MYCBP2: variants seen among roughly 807,000 people sequenced by gnomAD.
MYCBP2 encodes MYC binding protein 2, also known as E3 ubiquitin-protein ligase MYCBP2.
In MYCBP2, 120 loss-of-function variants were observed where a neutral mutation model predicts 525.3. The observed-to-expected ratio is 0.23, with a 90% CI of 0.20 to 0.27. MYCBP2 has a LOEUF of 0.27. MYCBP2 is among the 10% of genes least tolerant of loss of function. The pLI is 1.00. For missense variants in MYCBP2, 4,149 were observed against 5,657.1 expected (o/e 0.73, Z 8.55); for synonymous variants, 1,894 against 1,955.8 (o/e 0.97, Z 0.83).
intron 82 of MYCBP2, among the ~76,000 whole-genome samples, chr13:77,050,635 C>T (rs375128713): frequency 2.7e-5 from 4 of 150,442 alleles, no homozygotes; most frequent in African/African-American, 7.3e-5. Flanking sequence ...TTTATGGCAA[C>T]GGTTCCAGGC....
chr13:77,210,193 A>AT (rs376726932), intron 23 of MYCBP2, among the ~76,000 whole-genome samples: 12 of 148,288 alleles, frequency 8.1e-5, no homozygotes, highest in Non-Finnish European at 1.0e-4. Context: ...CACCACAATA[A>AT]TTTTTTTTTC....
chr13:77,258,812 A>G (rs1450508055), intron 13 of MYCBP2, among the ~76,000 whole-genome samples: 1 of 152,138 alleles, frequency 6.6e-6, no homozygotes, highest in Non-Finnish European at 1.5e-5. Context: ...CTTAAGTTCT[A>G]CCTCCTATAA....
intron 2 of MYCBP2, among the ~76,000 whole-genome samples, chr13:77,291,039 T>C (rs190031652): frequency 3.7e-4 from 57 of 152,336 alleles, no homozygotes; most frequent in Non-Finnish European, 7.1e-4. Context: ...TGGAGACATA[T>C]ACCATGTTCA....
rs754839784 is a variant in MYCBP2, at chr13:77,156,128, C to A, written c.6845G>T (p.Gly2282Val). The A allele has an allele frequency of 6.2e-7, 1 of 1,613,924 alleles. No individual in the cohort carries two copies. Among genetic ancestry groups the A allele is most frequent in the African/African-American group, 1.3e-5 (1 of 74,924 alleles). Residue 2282 changes from glycine (G) to valine (V), a missense_variant, in exon 46 of 83, where the codon GGT (glycine) becomes GTT (valine). By Grantham distance (109) the Gly-to-Val change is moderately radical. Around this residue, in one of 21 missense-constraint regions of MYCBP2, gnomAD observed 692 missense variants for 852.7 expected, o/e 0.81. Coordinates refer to ENST00000544440, the MANE Select transcript of MYCBP2 (RefSeq NM_015057.5). Reference sequence around the variant, plus strand: ...TTGAACAGTTATGGTGGTAGGCCAACCACAACGAATATCATCCTTATTCAG... The same window carrying A: ...TTGAACAGTTATGGTGGTAGGCCAAACACAACGAATATCATCCTTATTCAG... ...LILNKDDIRCGWPTTITVQTK... is the reference protein window; with the variant it reads ...LILNKDDIRCVWPTTITVQTK...
chr13:77,152,345 G>A (rs142529798), intron 46 of MYCBP2, among the ~76,000 whole-genome samples: 2 of 152,252 alleles, frequency 1.3e-5, no homozygotes, highest in East Asian at 1.9e-4. Context: ...TCAAACACAT[G>A]TGCCAGCATA....
At chr13:77,228,691 TTG>T (rs34441629) in intron 18 of MYCBP2, among the ~76,000 whole-genome samples, 20,568 of 147,076 alleles carry the variant, frequency 0.14, 1,990 homozygotes, top group African/African-American at 0.27. Flanking sequence ...GATGAATATG[TTG>T]TGTGTGTGTG....
rs2047018889 is a variant in MYCBP2, at chr13:77,101,249, TTCTC to T, written c.8141-2240_8141-2237del. Among the ~76,000 whole-genome samples, 4 of 152,044 alleles carry T rather than the reference TTCTC, an allele frequency of 2.6e-5. No homozygotes were observed. The South Asian group carries it at 8.3e-4, about 32-fold the overall frequency. ...ATCCATCTGTAAACTGAAAGAGGTT[TTCTC>T]TCTAATTTATAAAAAAGGACAACTT... On this transcript the variant is annotated intron_variant, in intron 55 of 82. Transcript: ENST00000544440.
intron 1 of MYCBP2, among the ~76,000 whole-genome samples, chr13:77,321,953 G>C (rs552043241): frequency 1.3e-3 from 192 of 152,082 alleles, no homozygotes; most frequent in Non-Finnish European, 2.2e-3. Context: ...TTAAGCTCAG[G>C]AGTTCAAGAC....
chr13:77,110,978 AAAG>A (rs565548022), intron 55 of MYCBP2, among the ~76,000 whole-genome samples: 50 of 152,244 alleles, frequency 3.3e-4, no homozygotes, highest in African/African-American at 1.2e-3. Flanking sequence ...TAAATAAACC[AAAG>A]GAGGAAAGAC....
chr13:77,289,259 A>G (rs1480454905), intron 2 of MYCBP2, among the ~76,000 whole-genome samples: 1 of 152,132 alleles, frequency 6.6e-6, no homozygotes, highest in Non-Finnish European at 1.5e-5. Context: ...GGCATGGCAT[A>G]TAACTTATGA....
intron 2 of MYCBP2, among the ~76,000 whole-genome samples, chr13:77,291,744 G>A (rs570252316): frequency 1.3e-5 from 2 of 151,612 alleles, no homozygotes; most frequent in South Asian, 2.1e-4. Flanking sequence ...TCTAACCTGC[G>A]GAACAAGAGC....
intron 17 of MYCBP2, among the ~76,000 whole-genome samples, chr13:77,236,831 G>T (rs139012619): frequency 8.6e-5 from 13 of 152,032 alleles, no homozygotes; most frequent in Non-Finnish European, 1.6e-4. Flanking sequence ...CCAGTTGTTC[G>T]AGGCCAGCCT....
chr13:77,159,452 C>T (rs763853112), intron 44 of MYCBP2, among the ~76,000 whole-genome samples: 7 of 151,810 alleles, frequency 4.6e-5, no homozygotes, highest in Non-Finnish European at 1.0e-4. Flanking sequence ...ACCTTATATA[C>T]CATAATAATC....
Position 77,177,738 on chromosome 13 carries a change from T to C in MYCBP2, c.5340+10A>G. 1 of 1,602,734 alleles carries C rather than the reference T, an allele frequency of 6.2e-7. No individual in the cohort carries two copies. The highest frequency in any genetic ancestry group is 8.5e-7 in the Non-Finnish European group (1 of 1,169,714). On this transcript the variant is annotated intron_variant, in intron 35 of 82. Transcript: ENST00000544440. The stretch of plus-strand genomic sequence containing the variant: ...CTAATCAGGATAAATACTAAAAGGG[T>C]GATACTTACATCATCAACCAACACC...
chr13:77,284,358 T>TG (rs1417740534), intron 3 of MYCBP2, among the ~76,000 whole-genome samples: 1 of 152,090 alleles, frequency 6.6e-6, no homozygotes, highest in Non-Finnish European at 1.5e-5. Context: ...TAGCAGCATT[T>TG]GGGGCTGAGG....
In MYCBP2 at chr13:77,090,247, T is replaced by C. The variant is rs776543624; in HGVS notation, c.10384A>G (p.Ile3462Val). Reference protein sequence around the residue: ...SMPPSLETSPITDTDLAKRTV... With the variant: ...SMPPSLETSPVTDTDLAKRTV... Reference sequence around the variant, plus strand: ...CTCTTTGCAAGATCAGTATCAGTTATGGGACTGGTTTCTAAACTGTACATG... The same window carrying C: ...CTCTTTGCAAGATCAGTATCAGTTACGGGACTGGTTTCTAAACTGTACATG... The change falls in exon 60 of 83, where the codon ATA becomes GTA. Residue 3462 changes from isoleucine (I) to valine (V), a missense_variant. Physicochemically the swap from Ile to Val is conservative, Grantham distance 29 (BLOSUM62 3). This residue lies in a region of MYCBP2 where 509 missense variants were observed against 789.4 expected (regional missense o/e 0.64). Coordinates refer to ENST00000544440, the MANE Select transcript of MYCBP2 (RefSeq NM_015057.5). The C allele has an allele frequency of 2.5e-6, 4 of 1,611,336 alleles. No individual in the cohort carries two copies. Among genetic ancestry groups the C allele is most frequent in the Non-Finnish European group, 2.5e-6 (3 of 1,178,610 alleles).
chr13:77,087,760 A>T lies in MYCBP2; in HGVS notation c.10726-127T>A. The T allele has an allele frequency of 4.9e-6, 4 of 821,288 alleles. No individual in the cohort carries two copies. In the South Asian group the frequency reaches 9.1e-5, roughly 19 times the overall value. 50.9% of individuals were successfully genotyped at this position (821,288 alleles called of 1,614,324 possible). A position where few individuals can be genotyped will look rare whatever the true frequency, so the allele number is the denominator to read the frequency against. On this transcript the variant is annotated intron_variant, in intron 61 of 82. Coordinates refer to ENST00000544440, the MANE Select transcript of MYCBP2 (RefSeq NM_015057.5). ...ACTAGAAAATCTTTTTTAATTAAAAAAAATGCCTTATAGTTTTACTATTTG... is the reference window on the plus strand; with the variant it reads ...ACTAGAAAATCTTTTTTAATTAAAATAAATGCCTTATAGTTTTACTATTTG...
At chr13:77,217,428 T>C (rs1362792870) in intron 21 of MYCBP2, among the ~76,000 whole-genome samples, 2 of 152,150 alleles carry the variant, frequency 1.3e-5, no homozygotes, top group Non-Finnish European at 2.9e-5. Flanking sequence ...AAAGAAAGTA[T>C]AATTTTAAAC....
chr13:77,117,069 T>A (rs1196488566), intron 55 of MYCBP2, among the ~76,000 whole-genome samples: 2 of 152,028 alleles, frequency 1.3e-5, no homozygotes, highest in African/African-American at 2.4e-5. Flanking sequence ...TGTCCTTACC[T>A]TTAAAACTTC....
Sources: gnomAD v4.1 joint callset for allele counts (sites outside exome capture counted in the v4.1 genomes callset) on GRCh38, gnomAD v4.1.1 for gene constraint, gnomAD v4.1.1 regional missense constraint, MANE v1.5 for transcripts, NCBI Gene and HGNC (gene_info 2026-07-23, HGNC 2026-07-21) for gene names.